PABPC4L: variants seen among roughly 807,000 people sequenced by gnomAD.
PABPC4L encodes the protein polyadenylate-binding protein 4-like.
For synonymous variants in PABPC4L, 169 were observed against 164.1 expected (o/e 1.03, Z -0.23); for missense variants, 452 against 451.4 (o/e 1.00, Z -0.01).
chr4:133,997,629 TG>T, the PABPC4L span, among the ~76,000 whole-genome samples: 1 of 152,110 alleles, frequency 6.6e-6, no homozygotes, highest in East Asian at 1.9e-4. Flanking sequence ...GTGTGACTCA[TG>T]GGAGGAGATC....
At chr4:133,977,234 T>C in the PABPC4L span, among the ~76,000 whole-genome samples, 1 of 151,954 alleles carries the variant, frequency 6.6e-6, no homozygotes, top group Admixed American at 6.6e-5. Context: ...AGATGTGTGG[T>C]TTTATTTCTG....
chr4:133,956,229 G>T, the PABPC4L span, among the ~76,000 whole-genome samples: 1 of 152,108 alleles, frequency 6.6e-6, no homozygotes, highest in African/African-American at 2.4e-5. Flanking sequence ...ATTTTTATAA[G>T]TGAGGGACAC....
the PABPC4L span, among the ~76,000 whole-genome samples, chr4:134,098,897 A>C: frequency 6.6e-6 from 1 of 151,696 alleles, no homozygotes; most frequent in Admixed American, 6.6e-5. Context: ...TAGAGGTAAG[A>C]TGAGAACTGA....
rs1322703828 is a variant in PABPC4L at position 134,196,915 on chromosome 4, T to A, written c.*2992A>T. ...AGCTATAATTCATCTAGACATCTGA[T>A]GTTATGTCCTATTAACTACTTACAT... is the stretch of plus-strand genomic sequence containing the variant. On this transcript the variant is annotated 3_prime_UTR_variant, in exon 2 of 2. Transcript: ENST00000421491. 2 of 151,740 alleles carry A rather than the reference T, an allele frequency of 1.3e-5. No homozygotes were observed. Among genetic ancestry groups the A allele is most frequent in the Non-Finnish European group, 3.0e-5 (2 of 67,658 alleles). The allele number at this position is 151,740 out of a possible 1,614,324, so 9.4% of individuals were successfully genotyped here. A position where few individuals can be genotyped will look rare whatever the true frequency, so the allele number is the denominator to read the frequency against.
chr4:134,047,142 G>T, the PABPC4L span, among the ~76,000 whole-genome samples: 2 of 152,196 alleles, frequency 1.3e-5, no homozygotes, highest in Non-Finnish European at 1.5e-5. Flanking sequence ...TCTTGAGGGA[G>T]ACAGAAAGGA....
chr4:134,115,638 C>G, the PABPC4L span, among the ~76,000 whole-genome samples: 4 of 151,478 alleles, frequency 2.6e-5, no homozygotes, highest in African/African-American at 9.7e-5. Context: ...TAACTGTTTC[C>G]AAGAATAAAG....
chr4:134,115,287 G>C, the PABPC4L span, among the ~76,000 whole-genome samples: 1 of 151,728 alleles, frequency 6.6e-6, no homozygotes, highest in African/African-American at 2.4e-5. Context: ...GGCAAACTTG[G>C]CCTCTGTCCT....
chr4:133,968,323 C>T, the PABPC4L span, among the ~76,000 whole-genome samples: 2 of 152,232 alleles, frequency 1.3e-5, no homozygotes, highest in African/African-American at 4.8e-5. Context: ...AGGAGACAGA[C>T]TGGGAAAAAA....
At chr4:134,014,319 G>C in the PABPC4L span, among the ~76,000 whole-genome samples, 4 of 152,118 alleles carry the variant, frequency 2.6e-5, no homozygotes, top group African/African-American at 7.2e-5. Flanking sequence ...TTTCTGAGTT[G>C]CAATGCCTTC....
chr4:134,061,616 TAC>T, the PABPC4L span, among the ~76,000 whole-genome samples: 1 of 104,266 alleles, frequency 9.6e-6, no homozygotes, highest in Non-Finnish European at 1.9e-5. Flanking sequence ...AACACAAACA[TAC>T]ACAGAGAGAG....
At chr4:134,146,326 A>G in the PABPC4L span, among the ~76,000 whole-genome samples, 1 of 135,638 alleles carries the variant, frequency 7.4e-6, no homozygotes, top group East Asian at 2.4e-4. Flanking sequence ...ATTTGAATAA[A>G]AAATTCAATA....
At chr4:134,093,935 T>A in the PABPC4L span, among the ~76,000 whole-genome samples, 2 of 151,564 alleles carry the variant, frequency 1.3e-5, no homozygotes, top group African/African-American at 4.8e-5. Context: ...TTTATGTATT[T>A]GTAATATATA....
the PABPC4L span, among the ~76,000 whole-genome samples, chr4:134,032,618 GC>G: frequency 6.6e-6 from 1 of 151,642 alleles, no homozygotes; most frequent in South Asian, 2.1e-4. Flanking sequence ...AAAGAAGTAA[GC>G]AAAAAAATAG....
At chr4:134,135,027 G>A in the PABPC4L span, among the ~76,000 whole-genome samples, 10 of 152,106 alleles carry the variant, frequency 6.6e-5, no homozygotes, top group Non-Finnish European at 1.5e-4. Context: ...AGAAAGCAAC[G>A]AGAACTAGCG....
chr4:134,001,487 G>C, the PABPC4L span, among the ~76,000 whole-genome samples: 1 of 151,998 alleles, frequency 6.6e-6, no homozygotes, highest in Non-Finnish European at 1.5e-5. Flanking sequence ...TCATGAGCAG[G>C]ACTTTACTAG....
the PABPC4L span, among the ~76,000 whole-genome samples, chr4:134,059,126 G>A: frequency 6.6e-6 from 1 of 151,826 alleles, no homozygotes; most frequent in Non-Finnish European, 1.5e-5. Context: ...TTCCTATTTT[G>A]TCACCCCAAA....
chr4:133,989,735 C>A, the PABPC4L span, among the ~76,000 whole-genome samples: 1 of 152,100 alleles, frequency 6.6e-6, no homozygotes, highest in African/African-American at 2.4e-5. Flanking sequence ...ACTTTTAAAG[C>A]AGTACCCCAC....
chr4:134,045,338 G>A, the PABPC4L span, among the ~76,000 whole-genome samples: 1 of 152,122 alleles, frequency 6.6e-6, no homozygotes, highest in Admixed American at 6.6e-5. Context: ...TCAAAGTGCA[G>A]ATAGCAATAT....
the PABPC4L span, among the ~76,000 whole-genome samples, chr4:134,009,498 C>T: frequency 6.6e-6 from 1 of 151,962 alleles, no homozygotes; most frequent in East Asian, 1.9e-4. Context: ...ATATTGGCTA[C>T]AGTACTAATT....
Sources: gnomAD v4.1 joint callset for allele counts (sites outside exome capture counted in the v4.1 genomes callset) on GRCh38, gnomAD v4.1.1 for gene constraint, MANE v1.5 for transcripts, NCBI Gene and HGNC (gene_info 2026-07-23, HGNC 2026-07-21) for gene names.